Variants in PPP1R14C observed in about 807,000 individuals in gnomAD.
The protein encoded by PPP1R14C is protein phosphatase 1 regulatory inhibitor subunit 14C.
A neutral mutation model predicts 20.4 loss-of-function variants in PPP1R14C; 16 were observed. The ratio of observed to expected loss-of-function variants is 0.78; its 90% confidence interval spans 0.53 to 1.19. The LOEUF is 1.19. Ranked by LOEUF, PPP1R14C falls within the 50% of genes most tolerant of loss-of-function variation. PPP1R14C has a pLI of 0.00. For missense variants in PPP1R14C, 211 were observed against 220.1 expected (o/e 0.96, Z 0.26); for synonymous variants, 91 against 91.0 (o/e 1.00, Z 0.00).
At chr6:150,149,970 C>T (rs1212629520) in intron 1 of PPP1R14C, among the ~76,000 whole-genome samples, 1 of 152,132 alleles carries the variant, frequency 6.6e-6, no homozygotes, top group African/African-American at 2.4e-5. Context: ...GGAAGTTAGA[C>T]TGTAACAACT....
intron 3 of PPP1R14C, among the ~76,000 whole-genome samples, chr6:150,242,460 G>A (rs1258340492): frequency 1.4e-5 from 2 of 144,770 alleles, no homozygotes; most frequent in Admixed American, 1.4e-4. Context: ...ACTAGGAGGG[G>A]GAAAAACCCC....
At chr6:150,147,697 C>T (rs1324145540) in intron 1 of PPP1R14C, among the ~76,000 whole-genome samples, 1 of 152,214 alleles carries the variant, frequency 6.6e-6, no homozygotes, top group Non-Finnish European at 1.5e-5. Context: ...TAGCCATAAA[C>T]AGGCTTGTGT....
Position 150,143,213 on chromosome 6 carries a change from C to G in PPP1R14C, c.21C>G (p.Ser7Arg). MSVATGSSETAGGASGG... is the reference protein window; with the variant it reads MSVATGRSETAGGASGG... ...GGGACATGTCGGTGGCGACGGGCAG[C>G]AGCGAGACGGCCGGCGGGGCCAGCG... Residue 7 changes from serine to arginine, a missense_variant, in exon 1 of 4, where the codon AGC becomes AGG. Physicochemically the swap from Ser to Arg is moderately radical, Grantham distance 110. Coordinates refer to ENST00000361131, the MANE Select transcript of PPP1R14C (RefSeq NM_030949.3). The surrounding 1 kb of genome is among the most constrained non-coding windows in gnomAD (Gnocchi z 5.6). The G allele has an allele frequency of 7.3e-7, 1 of 1,363,170 alleles. No individual in the cohort carries two copies. Among genetic ancestry groups the G allele is most frequent in the African/African-American group, 1.5e-5 (1 of 64,810 alleles). The allele number at this position is 1,363,170 out of a possible 1,614,324, so 84.4% of individuals were successfully genotyped here.
At chr6:150,189,990 G>A (rs922813122) in intron 1 of PPP1R14C, among the ~76,000 whole-genome samples, 1 of 152,100 alleles carries the variant, frequency 6.6e-6, no homozygotes, top group Non-Finnish European at 1.5e-5. Context: ...CTTCAGCAAG[G>A]CTTTCTTAGG....
At chr6:150,186,247 T>G (rs1461800991) in intron 1 of PPP1R14C, among the ~76,000 whole-genome samples, 1 of 152,180 alleles carries the variant, frequency 6.6e-6, no homozygotes, top group East Asian at 1.9e-4. Context: ...AACAGGCGGT[T>G]CCTCTAGGTA....
rs1262515436 is a variant in PPP1R14C, at chr6:150,143,787, C to T, written c.306+289C>T. Among the ~76,000 whole-genome samples the T allele has an allele frequency of 6.6e-6, 1 of 152,144 alleles. No individual in the cohort carries two copies. The highest frequency in any genetic ancestry group is 1.5e-5 in the Non-Finnish European group (1 of 68,030). On this transcript the variant is annotated intron_variant, in intron 1 of 3. Coordinates refer to ENST00000361131, the MANE Select transcript of PPP1R14C (RefSeq NM_030949.3). The surrounding 1 kb of genome is among the most constrained non-coding windows in gnomAD (Gnocchi z 5.6). ...GCGGAGCACAGTGCTTTTCTCCGAGCTCCGGGCGCCTCTGGGCTCCAGCTG... is the reference window on the plus strand; with the variant it reads ...GCGGAGCACAGTGCTTTTCTCCGAGTTCCGGGCGCCTCTGGGCTCCAGCTG...
At chr6:150,219,134 GT>G (rs1181719985) in intron 3 of PPP1R14C, among the ~76,000 whole-genome samples, 2 of 151,926 alleles carry the variant, frequency 1.3e-5, no homozygotes, top group African/African-American at 4.8e-5. Context: ...TTAAACAAAT[GT>G]TTTTCACTGT....
At chr6:150,162,499 C>A (rs574502686) in intron 1 of PPP1R14C, among the ~76,000 whole-genome samples, 277 of 149,462 alleles carry the variant, frequency 1.9e-3, no homozygotes, top group Non-Finnish European at 3.2e-3. Flanking sequence ...ATTTAAGATT[C>A]ATCCGTGGTT....
chr6:150,232,975 G>A (rs1778311397), intron 3 of PPP1R14C, among the ~76,000 whole-genome samples: 1 of 152,178 alleles, frequency 6.6e-6, no homozygotes, highest in Non-Finnish European at 1.5e-5. Flanking sequence ...TGAAGGGCAG[G>A]GACAGGTTGT....
At chr6:150,214,280 T>C (rs951133186) in intron 1 of PPP1R14C, among the ~76,000 whole-genome samples, 2 of 152,262 alleles carry the variant, frequency 1.3e-5, no homozygotes, top group Non-Finnish European at 2.9e-5. Flanking sequence ...CAGCAAAGGG[T>C]GGCTGTCAGA....
intron 1 of PPP1R14C, among the ~76,000 whole-genome samples, chr6:150,196,684 T>C (rs753296221): frequency 6.6e-6 from 1 of 152,204 alleles, no homozygotes; most frequent in Non-Finnish European, 1.5e-5. Flanking sequence ...ATCACTTCAT[T>C]TGTTAAAATT....
chr6:150,232,022 T>A (rs968084252), intron 3 of PPP1R14C, among the ~76,000 whole-genome samples: 1 of 152,242 alleles, frequency 6.6e-6, no homozygotes, highest in African/African-American at 2.4e-5. Context: ...TGCTTTTAAA[T>A]GTTTGCACCA....
intron 1 of PPP1R14C, among the ~76,000 whole-genome samples, chr6:150,196,752 T>C (rs982623862): frequency 6.6e-6 from 1 of 152,202 alleles, no homozygotes; most frequent in Non-Finnish European, 1.5e-5. Flanking sequence ...CTGATTTGAG[T>C]GTCTGTTCTA....
chr6:150,156,045 A>G (rs1041807375), intron 1 of PPP1R14C, among the ~76,000 whole-genome samples: 1 of 150,478 alleles, frequency 6.6e-6, no homozygotes, highest in Non-Finnish European at 1.5e-5. Context: ...AAAAAAAAAA[A>G]AAAAAAAGAA....
chr6:150,147,707 T>A (rs1051271659), intron 1 of PPP1R14C, among the ~76,000 whole-genome samples: 1 of 152,246 alleles, frequency 6.6e-6, no homozygotes, highest in Non-Finnish European at 1.5e-5. Flanking sequence ...CAGGCTTGTG[T>A]ACCTTGGGTA....
chr6:150,214,645 T>C (rs867392461), intron 1 of PPP1R14C, 99 bp from the exon 2 acceptor site: 3 of 726,230 alleles, frequency 4.1e-6, no homozygotes, highest in Middle Eastern at 5.1e-4. Context: ...CCCTTCTCAA[T>C]TGATGATCTA....
rs1463699519 is a variant in PPP1R14C, at chr6:150,234,101, C to CA, written c.424-14643dup. Reference sequence around the variant, plus strand: ...TTTTTTCCCCAACCTTATGTCAAAACAATGTGGAACAAACCAATGTTCTTG... The same window carrying CA: ...TTTTTTCCCCAACCTTATGTCAAAACAAATGTGGAACAAACCAATGTTCTTG... On this transcript the variant is annotated intron_variant, in intron 3 of 3. Coordinates refer to ENST00000361131, the MANE Select transcript of PPP1R14C (RefSeq NM_030949.3). Among the ~76,000 whole-genome samples the CA allele has an allele frequency of 7.9e-5, 12 of 152,220 alleles. No individual in the cohort carries two copies. The East Asian group carries it at 2.1e-3, about 27-fold the overall frequency.
At chr6:150,187,953 T>TA (rs1364513368) in intron 1 of PPP1R14C, among the ~76,000 whole-genome samples, 1 of 152,230 alleles carries the variant, frequency 6.6e-6, no homozygotes, top group Non-Finnish European at 1.5e-5. Context: ...ATCCCAAAGA[T>TA]ATATGTTACA....
At position 150,151,857 on chromosome 6, in the gene PPP1R14C, A is replaced by G. The variant is rs1161932469; in HGVS notation, c.306+8359A>G. Among the ~76,000 whole-genome samples the G allele has an allele frequency of 7.4e-4, 112 of 152,210 alleles. 2 individuals carry two copies. Among genetic ancestry groups the G allele is most frequent in the Non-Finnish European group, 3.7e-4 (25 of 68,020 alleles). On this transcript the variant is annotated intron_variant, in intron 1 of 3. Coordinates refer to ENST00000361131, the MANE Select transcript of PPP1R14C (RefSeq NM_030949.3). ...TGATTGCGGCCGGGCGCGGTGGCTC[A>G]CGCCTGTAATCCCAGCACTTTGGGA...
Sources: allele counts gnomAD v4.1 joint callset (sites outside exome capture counted in the v4.1 genomes callset), GRCh38; gene constraint gnomAD v4.1.1; non-coding constraint Gnocchi (gnomAD v3.1); transcripts MANE v1.5; gene names NCBI Gene and HGNC (gene_info 2026-07-23, HGNC 2026-07-21).